Variants in PSMD5 observed in about 807,000 individuals in gnomAD.
The protein encoded by PSMD5 is 26S proteasome non-ATPase regulatory subunit 5.
In PSMD5, 40 loss-of-function variants were observed where a neutral mutation model predicts 52.1. That is an observed-to-expected ratio of 0.77 (90% CI 0.60 to 1.00). The LOEUF (loss-of-function observed/expected upper bound fraction) is 1.00. PSMD5 is among the 50% of genes least tolerant of loss of function. The pLI is 0.00. For missense variants in PSMD5, 575 were observed against 605.2 expected, an observed-to-expected ratio of 0.95 and a Z score of 0.52; for synonymous variants, 211 against 226.6, an observed-to-expected ratio of 0.93 and a Z score of 0.62.
In PSMD5 at chr9:120,824,639, T is replaced by C. The variant is rs921063046; in HGVS notation, c.861A>G (p.Gln287=). 6.2e-7 allele frequency: 1 copy of C among 1,613,812 alleles called. No individual in the cohort carries two copies. Among genetic ancestry groups the C allele is most frequent in the Non-Finnish European group, 8.5e-7 (1 of 1,179,956 alleles). ...AGATAGGATAACGCTCACAGATCTG[T>C]TGAGGACTATCCATGACAGCCAGGT... ...FGNLAVMDSP[Q]QICERYPIFV... is the part of the protein sequence containing the mutation. Residue 287 remains glutamine, a synonymous_variant, in exon 7 of 10, where the codon CAA becomes CAG. Coordinates refer to ENST00000210313, the MANE Select transcript of PSMD5 (RefSeq NM_005047.4).
intron 1 of PSMD5, among the ~76,000 whole-genome samples, chr9:120,834,170 G>A (rs1002329291): frequency 1.3e-5 from 2 of 151,696 alleles, no homozygotes; most frequent in Admixed American, 6.6e-5. Context: ...TAGCAGAGAC[G>A]GGGGTTTCAC....
intron 1 of PSMD5, among the ~76,000 whole-genome samples, chr9:120,834,365 T>C (rs1021005160): frequency 2.0e-5 from 3 of 151,814 alleles, no homozygotes; most frequent in Non-Finnish European, 2.9e-5. Context: ...ATAAACGCTA[T>C]GGGCTAAGAC....
chr9:120,826,671 T>A (rs974406202), intron 6 of PSMD5, 94 bp downstream of exon 6: 1 of 1,406,720 alleles, frequency 7.1e-7, no homozygotes, highest in African/African-American at 1.5e-5. Flanking sequence ...AGGAAAACAA[T>A]CCCTGTCCAC....
Position 120,831,766 on chromosome 9 carries a change from CCTTT to C in PSMD5, c.432+62_432+65del, listed in dbSNP as rs1193522620. On this transcript the variant is annotated intron_variant, in intron 3 of 9. Transcript: ENST00000210313. ...AACCTTCACCTCTCAATTCAGAAGG[CCTTT>C]CTTTATCTTTTGGGACACCGATGTC... The C allele has an allele frequency of 5.0e-5, 78 of 1,550,828 alleles. No individual in the cohort carries two copies. The South Asian group carries it at 8.8e-4, about 17-fold the overall frequency.
chr9:120,831,630 A>G (rs1353902329), intron 3 of PSMD5, 171 bp from the exon 4 acceptor site: 1 of 1,072,614 alleles, frequency 9.3e-7, no homozygotes, highest in Non-Finnish European at 1.3e-6. Flanking sequence ...GATACTGTAG[A>G]TATGTATATC....
intron 1 of PSMD5, among the ~76,000 whole-genome samples, chr9:120,839,933 C>T (rs1197580442): frequency 2.0e-5 from 3 of 149,828 alleles, no homozygotes; most frequent in Non-Finnish European, 4.4e-5. Flanking sequence ...CCAGCCTGGC[C>T]AACATGGTGA....
chr9:120,836,102 A>C (rs933804735), intron 1 of PSMD5, among the ~76,000 whole-genome samples: 2 of 152,166 alleles, frequency 1.3e-5, no homozygotes, highest in African/African-American at 4.8e-5. Flanking sequence ...TACAACATTT[A>C]TCCTTTTGTG....
intron 1 of PSMD5, among the ~76,000 whole-genome samples, chr9:120,837,691 C>G (rs2045207668): frequency 6.6e-6 from 1 of 152,148 alleles, no homozygotes; most frequent in Non-Finnish European, 1.5e-5. Context: ...AACAGTTTGC[C>G]AGTTGCTTAA....
intron 5 of PSMD5, 42 bp from the exon 6 acceptor site, chr9:120,826,949 G>C: frequency 6.4e-7 from 1 of 1,558,774 alleles, no homozygotes; most frequent in Non-Finnish European, 8.7e-7. Context: ...TTTTGCACAG[G>C]ATTTGCATAG....
intron 7 of PSMD5, among the ~76,000 whole-genome samples, chr9:120,823,119 G>T (rs578159511): frequency 2.6e-5 from 4 of 151,972 alleles, no homozygotes; most frequent in Non-Finnish European, 4.4e-5. Flanking sequence ...TGTGTCTCAA[G>T]AATTTTAATA....
chr9:120,816,444 A>G lies in PSMD5; in HGVS notation c.*1462T>C, dbSNP rs1244303902. ...TTAAAACAAAGGTCATTTTAAGAGA[A>G]TATTTCTCAGGCCAGGAAAGACCTG... On this transcript the variant is annotated 3_prime_UTR_variant, in exon 10 of 10. Coordinates refer to ENST00000210313, the MANE Select transcript of PSMD5 (RefSeq NM_005047.4). 1.3e-5 allele frequency: 2 copies of G among 152,244 alleles called. No homozygotes were observed. Among genetic ancestry groups the G allele is most frequent in the African/African-American group, 4.8e-5 (2 of 41,470 alleles). The allele number at this position is 152,244 out of a possible 1,614,324, so 9.4% of individuals were successfully genotyped here.
intron 5 of PSMD5, among the ~76,000 whole-genome samples, 200 bp downstream of exon 5, chr9:120,828,899 A>T (rs973215103): frequency 3.9e-5 from 6 of 152,232 alleles, no homozygotes; most frequent in African/African-American, 1.4e-4. Flanking sequence ...CTGAATTGTC[A>T]TGTGGGGCTT....
At chr9:120,824,375 C>T (rs2045107312) in intron 7 of PSMD5, 119 bp downstream of exon 7, 1 of 909,498 alleles carries the variant, frequency 1.1e-6, no homozygotes, top group Non-Finnish European at 1.8e-6. Flanking sequence ...TCATGGTTAA[C>T]AAGACTGCCA....
chr9:120,835,191 A>G (rs1325279701), intron 1 of PSMD5, among the ~76,000 whole-genome samples: 2 of 152,256 alleles, frequency 1.3e-5, no homozygotes, highest in East Asian at 3.8e-4. Context: ...AAACTTGTAC[A>G]CAAATGTTCA....
In PSMD5 at chr9:120,832,022, A is replaced by G. The variant is rs537143818; in HGVS notation, c.319-77T>C. ...AAACACACGATGGTCCAATTTCCTT[A>G]GTGCACAGTTATTTTAGGAGTTAGT... On this transcript the variant is annotated intron_variant, in intron 2 of 9. Transcript: ENST00000210313. 2,124 of 1,535,314 alleles carry G rather than the reference A, an allele frequency of 1.4e-3. 1 individual carries two copies. Among genetic ancestry groups the G allele is most frequent in the Non-Finnish European group, 1.7e-3 (1,914 of 1,147,188 alleles).
chr9:120,830,903 A>ATAT (rs397712908), intron 4 of PSMD5, among the ~76,000 whole-genome samples: 2 of 150,552 alleles, frequency 1.3e-5, no homozygotes, highest in African/African-American at 4.9e-5. Flanking sequence ...ATATATATAT[A>ATAT]AAAAGGGTCT....
At chr9:120,838,906 A>T (rs1171466245) in intron 1 of PSMD5, among the ~76,000 whole-genome samples, 1 of 152,248 alleles carries the variant, frequency 6.6e-6, no homozygotes. Context: ...AAATGCGGTC[A>T]CTGCCTTCAA....
intron 9 of PSMD5, among the ~76,000 whole-genome samples, chr9:120,818,582 T>TA (rs962625111): frequency 1.1e-4 from 16 of 152,144 alleles, no homozygotes; most frequent in African/African-American, 3.9e-4. Context: ...AACCTCAAGA[T>TA]ACTCATATAG....
At chr9:120,827,508 A>G (rs1263730990) in intron 5 of PSMD5, among the ~76,000 whole-genome samples, 1 of 152,202 alleles carries the variant, frequency 6.6e-6, no homozygotes, top group Non-Finnish European at 1.5e-5. Flanking sequence ...AATAACTAAA[A>G]AATTTATTTA....
Sources: gnomAD v4.1 joint callset for allele counts (sites outside exome capture counted in the v4.1 genomes callset) on GRCh38, gnomAD v4.1.1 for gene constraint, MANE v1.5 for transcripts, NCBI Gene and HGNC (gene_info 2026-07-23, HGNC 2026-07-21) for gene names.